FBLN7: variants seen among roughly 807,000 people sequenced by gnomAD.
The protein encoded by FBLN7 is fibulin-7.
A neutral mutation model predicts 44.0 loss-of-function variants in FBLN7; 31 were observed. The ratio of observed to expected loss-of-function variants is 0.70; its 90% CI spans 0.53 to 0.95. The LOEUF is 0.95. Among genes scored for constraint, FBLN7 ranks in the 40% least tolerant of loss-of-function variants. The probability of loss-of-function intolerance (pLI) is 0.00; values close to 1 mark genes in which losing one functional copy is unlikely to be tolerated. For missense variants in FBLN7, 573 were observed against 618.5 expected (o/e 0.93, Z 0.78); for synonymous variants, 262 against 253.4 (o/e 1.03, Z -0.32).
the FBLN7 span, among the ~76,000 whole-genome samples, chr2:112,197,035 C>A: frequency 6.6e-6 from 1 of 151,988 alleles, no homozygotes; most frequent in Non-Finnish European, 1.5e-5. Flanking sequence ...TCAGTTATCT[C>A]CCACCAGGTC....
the FBLN7 span, among the ~76,000 whole-genome samples, chr2:112,239,259 G>A: frequency 6.6e-6 from 1 of 152,260 alleles, no homozygotes; most frequent in Non-Finnish European, 1.5e-5. Context: ...TTCAGGTATT[G>A]GTTACATGTG....
At chr2:112,161,914 A>T (rs1681893855) in intron 2 of FBLN7, among the ~76,000 whole-genome samples, 2 of 152,234 alleles carry the variant, frequency 1.3e-5, no homozygotes, top group Non-Finnish European at 2.9e-5. Context: ...TGCAGAGGAC[A>T]GGCAGCTGTC....
chr2:112,165,995 C>T (rs559032413), intron 3 of FBLN7, among the ~76,000 whole-genome samples: 6 of 152,048 alleles, frequency 3.9e-5, no homozygotes, highest in Non-Finnish European at 8.8e-5. Context: ...AGGAGAAACA[C>T]GGACATTATA....
chr2:112,223,448 CT>C, the FBLN7 span, among the ~76,000 whole-genome samples: 1 of 151,842 alleles, frequency 6.6e-6, no homozygotes, highest in African/African-American at 2.4e-5. Flanking sequence ...TAGCAGAAAG[CT>C]TTTTTTAGCA....
chr2:112,164,158 G>T (rs1057269455), intron 2 of FBLN7, among the ~76,000 whole-genome samples: 1 of 152,148 alleles, frequency 6.6e-6, no homozygotes. Context: ...TGTCTATTTT[G>T]TTCATGGATA....
downstream of FBLN7, chr2:112,189,390 A>ACGATGATGGCTGTGGG (rs1343899980): frequency 2.6e-5 from 4 of 152,586 alleles, no homozygotes; most frequent in East Asian, 7.7e-4. Context: ...ATGGCTGTGG[A>ACGATGATGGCTGTGGG]CAATGATGGC....
At chr2:112,227,640 CAAG>C in the FBLN7 span, among the ~76,000 whole-genome samples, 1 of 152,148 alleles carries the variant, frequency 6.6e-6, no homozygotes, top group Admixed American at 6.5e-5. Flanking sequence ...TCTTGGGAAA[CAAG>C]ATCAATAACA....
At chr2:112,201,791 G>A in the FBLN7 span, among the ~76,000 whole-genome samples, 2 of 152,196 alleles carry the variant, frequency 1.3e-5, no homozygotes, top group African/African-American at 4.8e-5. Context: ...TGTTTTATGT[G>A]CATTTGGCTG....
chr2:112,172,128 T>G (rs188549707), intron 3 of FBLN7, among the ~76,000 whole-genome samples: 125 of 152,360 alleles, frequency 8.2e-4, no homozygotes, highest in Non-Finnish European at 1.2e-3. Context: ...AATGAACTTA[T>G]GTACCTAAAA....
At chr2:112,227,388 G>T in the FBLN7 span, among the ~76,000 whole-genome samples, 1 of 152,214 alleles carries the variant, frequency 6.6e-6, no homozygotes, top group Non-Finnish European at 1.5e-5. Flanking sequence ...AGCCGGGCGT[G>T]GTGGCAGATG....
At chr2:112,156,798 G>A (rs898057378) in intron 1 of FBLN7, among the ~76,000 whole-genome samples, 3 of 152,234 alleles carry the variant, frequency 2.0e-5, no homozygotes, top group Non-Finnish European at 4.4e-5. Context: ...GGATTCAACT[G>A]TGTCAAAAGC....
chr2:112,241,604 G>A, the FBLN7 span, among the ~76,000 whole-genome samples: 10 of 152,136 alleles, frequency 6.6e-5, no homozygotes, highest in Admixed American at 1.3e-4. Flanking sequence ...ATGTTATTCC[G>A]TTTTGAACAT....
At chr2:112,183,466 A>G (rs1189204679) in intron 6 of FBLN7, among the ~76,000 whole-genome samples, 3 of 152,166 alleles carry the variant, frequency 2.0e-5, no homozygotes, top group African/African-American at 7.2e-5. Context: ...CGGGGGCATC[A>G]CTACCCCTGG....
downstream of FBLN7, chr2:112,190,386 T>A (rs1252818136): frequency 6.6e-6 from 1 of 152,218 alleles, no homozygotes; most frequent in Non-Finnish European, 1.5e-5. Context: ...AGAAACACAC[T>A]CTCATCAGTT....
chr2:112,231,143 TA>T, the FBLN7 span, among the ~76,000 whole-genome samples: 1 of 152,116 alleles, frequency 6.6e-6, no homozygotes, highest in African/African-American at 2.4e-5. Flanking sequence ...TTCACACAAA[TA>T]AACAACTAAA....
intron 2 of FBLN7, among the ~76,000 whole-genome samples, chr2:112,162,372 G>C (rs1025972181): frequency 2.0e-5 from 3 of 149,438 alleles, no homozygotes; most frequent in African/African-American, 7.4e-5. Context: ...ATAATTTCCA[G>C]TTCTGGAGAA....
intron 3 of FBLN7, among the ~76,000 whole-genome samples, chr2:112,169,795 G>A (rs1426724016): frequency 6.6e-6 from 1 of 152,134 alleles, no homozygotes; most frequent in Non-Finnish European, 1.5e-5. Context: ...GGCCACACAT[G>A]ACCTAACAAG....
chr2:112,142,094 A>T (rs1253384512), intron 1 of FBLN7, among the ~76,000 whole-genome samples: 1 of 152,190 alleles, frequency 6.6e-6, no homozygotes, highest in Non-Finnish European at 1.5e-5. Context: ...CCACAGTCCT[A>T]TGTGGCCAGG....
intron 1 of FBLN7, among the ~76,000 whole-genome samples, chr2:112,153,461 CA>C (rs1681265172): frequency 6.6e-6 from 1 of 152,154 alleles, no homozygotes; most frequent in Admixed American, 6.6e-5. Flanking sequence ...GTCACTGTAC[CA>C]AGACTGTCAC....
Sources: gnomAD v4.1 joint callset for allele counts (sites outside exome capture counted in the v4.1 genomes callset) on GRCh38, gnomAD v4.1.1 for gene constraint, MANE v1.5 for transcripts, NCBI Gene and HGNC (gene_info 2026-07-23, HGNC 2026-07-21) for gene names.